ATP8B4: variants seen among roughly 807,000 people sequenced by gnomAD.
ATP8B4 encodes ATPase phospholipid transporting 8B4 (putative).
Under a neutral mutation model 145.6 loss-of-function variants are expected in ATP8B4, and 133 were observed. The ratio of observed to expected loss-of-function variants is 0.91; its 90% CI spans 0.79 to 1.05. The LOEUF is 1.05. Ranked by LOEUF, ATP8B4 falls within the 50% of genes least tolerant of loss-of-function variation. ATP8B4 has a pLI of 0.00. For synonymous variants in ATP8B4, 507 were observed against 492.9 expected (o/e 1.03, Z -0.38); for missense variants, 1,458 against 1,425.2 (o/e 1.02, Z -0.37).
intron 1 of ATP8B4, among the ~76,000 whole-genome samples, chr15:50,135,411 T>G (rs561868000): frequency 2.8e-4 from 43 of 152,224 alleles, no homozygotes; most frequent in Non-Finnish European, 5.7e-4. Context: ...CCTTTCATTT[T>G]AACCCCATTT....
At chr15:49,944,776 G>C (rs1266854884) in intron 14 of ATP8B4, among the ~76,000 whole-genome samples, 1 of 152,044 alleles carries the variant, frequency 6.6e-6, no homozygotes, top group East Asian at 1.9e-4. Flanking sequence ...CTGTGTCAAG[G>C]TAGCACAGAC....
At chr15:49,939,387 TC>T (rs2153475313) in intron 14 of ATP8B4, among the ~76,000 whole-genome samples, 1 of 150,914 alleles carries the variant, frequency 6.6e-6, no homozygotes, top group Non-Finnish European at 1.5e-5. Flanking sequence ...AGAGAAAAGA[TC>T]CAAAAAACAT....
At position 50,085,877 on chromosome 15, in the gene ATP8B4, T is replaced by TTATATATGATATATATCA. The variant is rs1315689608; in HGVS notation, c.29-11693_29-11692insTGATATATATCATATATA. Among the ~76,000 whole-genome samples, 142 of 34,536 alleles carry TTATATATGATATATATCA rather than the reference T, an allele frequency of 4.1e-3. 10 individuals carry two copies. Among genetic ancestry groups the TTATATATGATATATATCA allele is most frequent in the Non-Finnish European group, 5.4e-3 (109 of 20,058 alleles). The allele number at this position is 34,536 out of a possible 152,430, so 22.7% of individuals were successfully genotyped here. A position where few individuals can be genotyped will look rare whatever the true frequency, so the allele number is the denominator to read the frequency against. ...TATATAATAAACGTATCATATATAT[T>TTATATATGATATATATCA]TATATATTTATATATGATATATATC... On this transcript the variant is annotated intron_variant, in intron 2 of 27. Coordinates refer to ENST00000284509, the MANE Select transcript of ATP8B4 (RefSeq NM_024837.4).
intron 1 of ATP8B4, among the ~76,000 whole-genome samples, chr15:50,157,566 GTTGT>G (rs757789558): frequency 5.9e-5 from 9 of 152,102 alleles, no homozygotes; most frequent in East Asian, 1.9e-4. Flanking sequence ...CAGGTTTGTT[GTTGT>G]TTGTTTGTTT....
intron 6 of ATP8B4, among the ~76,000 whole-genome samples, chr15:50,026,968 T>C (rs779145896): frequency 3.3e-5 from 5 of 152,182 alleles, no homozygotes; most frequent in Non-Finnish European, 5.9e-5. Context: ...TCAATAAGCC[T>C]GTAAAGACCT....
intron 23 of ATP8B4, among the ~76,000 whole-genome samples, chr15:49,893,677 TAA>T (rs936779918): frequency 2.4e-4 from 36 of 152,298 alleles, no homozygotes; most frequent in African/African-American, 8.7e-4. Flanking sequence ...TGAGTGGATA[TAA>T]AGTTTCAGTT....
At chr15:50,140,434 C>A (rs1359026401) in intron 1 of ATP8B4, among the ~76,000 whole-genome samples, 1 of 152,080 alleles carries the variant, frequency 6.6e-6, no homozygotes, top group African/African-American at 2.4e-5. Flanking sequence ...CCCTGTCTAC[C>A]CAGCACTGGG....
At chr15:50,131,132 C>T (rs564269360) in intron 1 of ATP8B4, among the ~76,000 whole-genome samples, 2 of 152,232 alleles carry the variant, frequency 1.3e-5, no homozygotes, top group South Asian at 4.1e-4. Context: ...ATGGGGGAAA[C>T]TGCCCCCATG....
intron 3 of ATP8B4, among the ~76,000 whole-genome samples, chr15:50,061,852 C>T (rs1357877115): frequency 6.6e-6 from 1 of 152,068 alleles, no homozygotes; most frequent in Non-Finnish European, 1.5e-5. Context: ...AAAGACATTA[C>T]CAATATGAAC....
intron 2 of ATP8B4, among the ~76,000 whole-genome samples, chr15:50,106,716 C>T (rs553793385): frequency 9.2e-5 from 14 of 152,120 alleles, no homozygotes; most frequent in African/African-American, 2.2e-4. Context: ...AAAGAATGAA[C>T]GAAAAGGAGC....
chr15:49,883,569 T>C (rs2035757953), intron 23 of ATP8B4: 1 of 152,220 alleles, frequency 6.6e-6, no homozygotes, highest in South Asian at 2.1e-4. Flanking sequence ...ATCGGCTCAT[T>C]AAATTTTAAC....
intron 14 of ATP8B4, among the ~76,000 whole-genome samples, chr15:49,940,899 T>G (rs1207996419): frequency 6.6e-6 from 1 of 151,620 alleles, no homozygotes; most frequent in African/African-American, 2.4e-5. Context: ...AAAAACAGAG[T>G]CCCTCCTTGT....
At chr15:49,923,614 G>C in intron 16 of ATP8B4, 120 bp from the exon 17 acceptor site, 2 of 613,684 alleles carry the variant, frequency 3.3e-6, no homozygotes, top group South Asian at 4.4e-5. Flanking sequence ...CCAGTAGTAA[G>C]ACACTCAGTG....
chr15:50,004,712 C>A (rs557786231), intron 7 of ATP8B4, among the ~76,000 whole-genome samples: 1 of 152,082 alleles, frequency 6.6e-6, no homozygotes, highest in Non-Finnish European at 1.5e-5. Context: ...AAAGTAAGGC[C>A]CAGAGGGCTT....
At chr15:50,051,634 A>C (rs950450885) in intron 3 of ATP8B4, among the ~76,000 whole-genome samples, 1 of 152,196 alleles carries the variant, frequency 6.6e-6, no homozygotes, top group East Asian at 1.9e-4. Context: ...AAGGATTTGG[A>C]GAAAAGAATG....
chr15:50,072,997 TATATATATATATATATATATATAC>T (rs1326947311), intron 3 of ATP8B4, among the ~76,000 whole-genome samples: 9 of 46,210 alleles, frequency 1.9e-4, no homozygotes, highest in African/African-American at 7.6e-4. Flanking sequence ...TATATATATA[TATATATATATATATATATATATAC>T]ACACACACAC....
Position 49,931,214 on chromosome 15 carries a change from T to C in ATP8B4, c.1547A>G (p.Glu516Gly). The C allele has an allele frequency of 1.9e-6, 3 of 1,612,866 alleles. No homozygotes were observed. The highest frequency in any genetic ancestry group is 2.5e-6 in the Non-Finnish European group (3 of 1,179,230). The change falls in exon 16 of 28, where the codon GAG (glutamate) becomes GGG (glycine). Residue 516 changes from glutamate to glycine, a missense_variant. Transcript: ENST00000284509. The stretch of plus-strand genomic sequence containing the variant: ...TCCCAATTCTTCTATTGTTATGGTC[T>C]CTGGGGTCCGGGATTTAAAAATGAA... Reference protein sequence around the residue: ...FGFIFKSRTPETITIEELGTL... With the variant: ...FGFIFKSRTPGTITIEELGTL...
chr15:49,997,852 A>G (rs1007765304), intron 8 of ATP8B4, among the ~76,000 whole-genome samples: 1 of 152,146 alleles, frequency 6.6e-6, no homozygotes, highest in African/African-American at 2.4e-5. Context: ...AGTTTGCTTA[A>G]AAGTAATCTT....
chr15:49,957,441 T>C (rs1234148601), intron 14 of ATP8B4, among the ~76,000 whole-genome samples: 1 of 151,842 alleles, frequency 6.6e-6, no homozygotes, highest in Non-Finnish European at 1.5e-5. Flanking sequence ...TAACCTAAAA[T>C]ATTATAACAG....
Sources: gnomAD v4.1 joint callset for allele counts (sites outside exome capture counted in the v4.1 genomes callset) on GRCh38, gnomAD v4.1.1 for gene constraint, MANE v1.5 for transcripts, NCBI Gene and HGNC (gene_info 2026-07-23, HGNC 2026-07-21) for gene names.